ANKRD36C: variants seen among roughly 807,000 people sequenced by gnomAD.
ANKRD36C encodes the protein ankyrin repeat domain-containing protein 36C.
ANKRD36C carries 61 observed loss-of-function variants against 276.4 expected under a neutral mutation model. The ratio of observed to expected loss-of-function variants is 0.22; its 90% confidence interval spans 0.18 to 0.27. The LOEUF is 0.27. Ranked by LOEUF, ANKRD36C falls within the 10% of genes least tolerant of loss-of-function variation. The probability of loss-of-function intolerance (pLI) is 1.00; values close to 1 mark genes in which losing one functional copy is unlikely to be tolerated. For missense variants in ANKRD36C, 1,447 were observed against 2,032.3 expected, an observed-to-expected ratio of 0.71 and a Z score of 5.54; for synonymous variants, 483 against 680.1, an observed-to-expected ratio of 0.71 and a Z score of 4.51.
chr2:95,860,113 G>T (rs1434069395), intron 60 of ANKRD36C, 39 bp from the exon 81 acceptor site: 2 of 1,291,444 alleles, frequency 1.5e-6, no homozygotes, highest in South Asian at 2.5e-5. Flanking sequence ...TAAAATACAT[G>T]AGTAGATTTT....
At chr2:95,927,272 C>T (rs774030196) in exon 28 of ANKRD36C, 1 of 1,609,964 alleles carries the variant, frequency 6.2e-7, no homozygotes, top group African/African-American at 1.3e-5. Flanking sequence ...CAGAATCTTT[C>T]TCATCACTTG....
chr2:95,922,048 A>C (rs1677286806), intron 32 of ANKRD36C, among the ~76,000 whole-genome samples: 1 of 151,664 alleles, frequency 6.6e-6, no homozygotes, highest in South Asian at 2.1e-4. Context: ...TATCTAAAAG[A>C]AAAATAAATC....
chr2:95,972,274 T>C (rs1678715618), intron 6 of ANKRD36C, among the ~76,000 whole-genome samples: 1 of 152,196 alleles, frequency 6.6e-6, no homozygotes, highest in Non-Finnish European at 1.5e-5. Context: ...CTTCTGGAAG[T>C]GTGGAATTTT....
chr2:95,891,623 T>A (rs554843944), intron 46 of ANKRD36C, 42 bp downstream of exon 66: 384 of 1,534,256 alleles, frequency 2.5e-4, no homozygotes, highest in Admixed American at 9.5e-4. Context: ...ATTTCTTATC[T>A]ATCTGCACTG....
chr2:95,964,468 C>A (rs952504441), intron 6 of ANKRD36C, among the ~76,000 whole-genome samples: 2 of 151,970 alleles, frequency 1.3e-5, no homozygotes, highest in African/African-American at 4.8e-5. Flanking sequence ...TCATTCTTTG[C>A]CCTCCACATT....
chr2:95,972,726 A>G (rs1398643488), intron 6 of ANKRD36C, among the ~76,000 whole-genome samples: 9 of 152,248 alleles, frequency 5.9e-5, no homozygotes, highest in Admixed American at 2.0e-4. Flanking sequence ...TCTCCTTAAC[A>G]GTTGCCTTTG....
intron 5 of ANKRD36C, among the ~76,000 whole-genome samples, chr2:95,980,225 T>C (rs1678889250): frequency 6.6e-6 from 1 of 152,096 alleles, no homozygotes; most frequent in Non-Finnish European, 1.5e-5. Context: ...CCTTAGGTTC[T>C]TGAAAAATTC....
At chr2:95,943,132 A>T (rs1187805391) in intron 19 of ANKRD36C, among the ~76,000 whole-genome samples, 99 of 140,406 alleles carry the variant, frequency 7.1e-4, no homozygotes, top group South Asian at 1.3e-3. Flanking sequence ...AGAGGGTTCC[A>T]GGTTAAAAAT....
chr2:95,979,090 T>C (rs1678866782), intron 5 of ANKRD36C, among the ~76,000 whole-genome samples: 2 of 152,052 alleles, frequency 1.3e-5, no homozygotes, highest in South Asian at 4.1e-4. Context: ...TTTTCTCATT[T>C]CCAAGATACA....
At chr2:95,902,947 G>C in intron 42 of ANKRD36C, 2 of 1,587,822 alleles carry the variant, frequency 1.3e-6, no homozygotes, top group South Asian at 2.2e-5. Flanking sequence ...AATCTTTCTC[G>C]TCTCTTGTAG....
chr2:95,974,646 T>G (rs1678767500), intron 6 of ANKRD36C, among the ~76,000 whole-genome samples: 1 of 152,148 alleles, frequency 6.6e-6, no homozygotes, highest in African/African-American at 2.4e-5. Flanking sequence ...ACTGCTGGTC[T>G]GTAGGCTACT....
chr2:95,861,724 C>A (rs80049093), intron 60 of ANKRD36C, among the ~76,000 whole-genome samples: 5 of 152,112 alleles, frequency 3.3e-5, no homozygotes, highest in Non-Finnish European at 2.9e-5. Flanking sequence ...ACACAGCTAC[C>A]AGACAAACAT....
intron 1 of ANKRD36C, among the ~76,000 whole-genome samples, chr2:95,990,515 AG>A (rs1214828723): frequency 3.3e-5 from 5 of 152,210 alleles, no homozygotes; most frequent in African/African-American, 1.2e-4. Flanking sequence ...TAGAAAGGCA[AG>A]TCTTTTTTGA....
At chr2:95,956,069 T>C (rs1287926608) in intron 13 of ANKRD36C, among the ~76,000 whole-genome samples, 1 of 152,114 alleles carries the variant, frequency 6.6e-6, no homozygotes, top group Non-Finnish European at 1.5e-5. Context: ...CTAGGCAGGG[T>C]ACTCACTTAA....
chr2:95,990,159 T>C (rs1679109150), intron 1 of ANKRD36C, among the ~76,000 whole-genome samples: 1 of 152,248 alleles, frequency 6.6e-6, no homozygotes, highest in Non-Finnish European at 1.5e-5. Flanking sequence ...ATTTTGTGCA[T>C]TTAAAGTTTT....
chr2:95,923,311 C>A (rs374702818), intron 32 of ANKRD36C, among the ~76,000 whole-genome samples, 184 bp downstream of exon 32: 48 of 151,394 alleles, frequency 3.2e-4, no homozygotes, highest in African/African-American at 1.1e-3. Context: ...ATAATCTTAC[C>A]GCGAAGATCA....
chr2:95,912,529 T>C, intron 40 of ANKRD36C, 94 bp from the exon 43 acceptor site: 1 of 1,582,564 alleles, frequency 6.3e-7, no homozygotes, highest in Non-Finnish European at 8.6e-7. Context: ...TCTGACCTCC[T>C]GCCTGTATTA....
In ANKRD36C at chr2:95,944,214, T is replaced by G. The variant is rs1404905422; in HGVS notation, c.1491+413A>C. On this transcript the variant is annotated intron_variant, in intron 19 of 66. Coordinates refer to ENST00000456556, the Ensembl canonical transcript of ANKRD36C. The stretch of plus-strand genomic sequence containing the variant: ...TTTTGAGGTGTTTTATACTAATCTT[T>G]GTCATCTTGACACTCTTATTCAACT... Among the ~76,000 whole-genome samples, 6 of 152,212 alleles carry G rather than the reference T, an allele frequency of 3.9e-5. No individual in the cohort carries two copies. In the East Asian group the frequency reaches 1.2e-3, roughly 29 times the overall value.
intron 44 of ANKRD36C, chr2:95,893,604 G>C (rs779097027): frequency 1.1e-5 from 18 of 1,583,702 alleles, no homozygotes; most frequent in African/African-American, 4.1e-5. Flanking sequence ...GTCACCTGTA[G>C]CCTGAATGGA....
Sources: gnomAD v4.1 joint callset for allele counts (sites outside exome capture counted in the v4.1 genomes callset) on GRCh38, gnomAD v4.1.1 for gene constraint, MANE v1.5 for transcripts, NCBI Gene and HGNC (gene_info 2026-07-23, HGNC 2026-07-21) for gene names.